Variants in TRIM36 observed in about 807,000 individuals in gnomAD.
TRIM36 encodes the protein tripartite motif containing 36.
TRIM36 carries 42 observed loss-of-function variants against 72.4 expected under a neutral mutation model. The ratio of observed to expected loss-of-function variants is 0.58; its 90% CI spans 0.45 to 0.75. The LOEUF (loss-of-function observed/expected upper bound fraction) is 0.75. Among genes scored for constraint, TRIM36 ranks in the 30% least tolerant of loss-of-function variants. TRIM36 has a pLI of 0.00. For synonymous variants in TRIM36, 315 were observed against 282.8 expected (o/e 1.11, Z -1.14); for missense variants, 913 against 857.1 (o/e 1.07, Z -0.81).
chr5:115,162,486 T>C (rs1304114951), intron 2 of TRIM36, among the ~76,000 whole-genome samples: 4 of 152,250 alleles, frequency 2.6e-5, no homozygotes, highest in African/African-American at 9.6e-5. Context: ...AAATCATTCA[T>C]CTTGTTCTTC....
chr5:115,127,595 A>G (rs1380641142), intron 9 of TRIM36, among the ~76,000 whole-genome samples: 1 of 152,172 alleles, frequency 6.6e-6, no homozygotes, highest in African/African-American at 2.4e-5. Flanking sequence ...TCATTCCTAT[A>G]GCTTAGTGAC....
chr5:115,177,780 A>T (rs373690464), intron 1 of TRIM36: 1 of 1,614,176 alleles, frequency 6.2e-7, no homozygotes, highest in South Asian at 1.1e-5. Flanking sequence ...ACTGCTTTCC[A>T]ACCTCAGAGA....
At position 115,126,694 on chromosome 5, in the gene TRIM36, T is replaced by A; in HGVS notation, c.1960A>T (p.Ile654Phe). The A allele has an allele frequency of 6.2e-7, 1 of 1,614,202 alleles. No individual in the cohort carries two copies. The highest frequency in any genetic ancestry group is 1.6e-4 in the Middle Eastern group (1 of 6,062). Residue 654 changes from isoleucine to phenylalanine, a missense_variant, in exon 10 of 10, where the codon ATT (isoleucine) becomes TTT (phenylalanine). Coordinates refer to ENST00000513154, the MANE Select transcript of TRIM36 (RefSeq NM_001300759.2). ...ENRVLPMPTSIGIFLDCDKGK... is the reference protein window; with the variant it reads ...ENRVLPMPTSFGIFLDCDKGK... ...TTATCACAGTCAAGGAAAATCCCAA[T>A]ACTTGTTGGCATAGGGAGAACTCTA...
Position 115,126,540 on chromosome 5 carries a change from A to G in TRIM36, c.2114T>C (p.Ile705Thr). Residue 705 changes from isoleucine (I) to threonine (T), a missense_variant, in exon 10 of 10, where the codon ATC becomes ACC. Ile to Thr is a moderately conservative substitution (Grantham distance 89). Transcript: ENST00000513154. ...GSGGIQLEEP[I>T]TAKYLEYQED... ...TTGGTATTCCAGATATTTTGCTGTG[A>G]TGGGTTCTTCAAGCTGAATTCCTCC... 6.2e-7 allele frequency: 1 copy of G among 1,611,662 alleles called. No homozygotes were observed. The highest frequency in any genetic ancestry group is 1.7e-4 in the Middle Eastern group (1 of 6,052).
intron 1 of TRIM36, among the ~76,000 whole-genome samples, chr5:115,166,899 T>C (rs1754808683): frequency 6.6e-6 from 1 of 152,020 alleles, no homozygotes; most frequent in African/African-American, 2.4e-5. Context: ...GCGCCCATAC[T>C]GGCACCTGGA....
At chr5:115,170,025 G>A (rs983494283), upstream of TRIM36, 2 of 1,016,900 alleles carry the variant, frequency 2.0e-6, no homozygotes, top group African/African-American at 3.4e-5. Context: ...GGGGCCGCCT[G>A]GGGCTGGTAG....
intron 2 of TRIM36, among the ~76,000 whole-genome samples, chr5:115,160,911 T>C (rs1754448225): frequency 6.6e-6 from 1 of 152,010 alleles, no homozygotes; most frequent in South Asian, 2.1e-4. Flanking sequence ...GGAATATTAC[T>C]CATGAATCTA....
intron 1 of TRIM36, chr5:115,177,597 G>A: frequency 1.4e-6 from 2 of 1,462,082 alleles, no homozygotes; most frequent in Non-Finnish European, 1.8e-6. Flanking sequence ...ACAAAACAGG[G>A]GTCTTAAATG....
intron 2 of TRIM36, among the ~76,000 whole-genome samples, chr5:115,161,890 T>C (rs548711477): frequency 2.9e-4 from 44 of 152,216 alleles, no homozygotes; most frequent in South Asian, 6.2e-4. Context: ...CTCTCTTCAT[T>C]AATGCACCCG....
intron 5 of TRIM36, among the ~76,000 whole-genome samples, chr5:115,140,907 A>C (rs1753242229): frequency 6.6e-6 from 1 of 152,220 alleles, no homozygotes; most frequent in Non-Finnish European, 1.5e-5. Context: ...ACCTGGCCCA[A>C]TCTGCATACA....
At position 115,125,449 on chromosome 5, in the gene TRIM36, C is replaced by T. The variant is rs1016457373; in HGVS notation, c.*1054G>A. On this transcript the variant is annotated 3_prime_UTR_variant, in exon 10 of 10. Coordinates refer to ENST00000513154, the MANE Select transcript of TRIM36 (RefSeq NM_001300759.2). ...TTGCTTATATTAGAAATGCTTATTA[C>T]CAATGAGAAACAGAAAATGCCACAT... The T allele has an allele frequency of 6.6e-6, 1 of 151,782 alleles. No individual in the cohort carries two copies. The highest frequency in any genetic ancestry group is 1.5e-5 in the Non-Finnish European group (1 of 67,890). The allele number at this position is 151,782 out of a possible 1,614,324, so 9.4% of individuals were successfully genotyped here.
At chr5:115,142,109 T>C (rs982730491) in intron 4 of TRIM36, among the ~76,000 whole-genome samples, 1 of 151,004 alleles carries the variant, frequency 6.6e-6, no homozygotes, top group Non-Finnish European at 1.5e-5. Context: ...GTATTGAGAG[T>C]CTAAATAAGA....
At chr5:115,136,510 A>G (rs903420408) in intron 7 of TRIM36, among the ~76,000 whole-genome samples, 1 of 152,230 alleles carries the variant, frequency 6.6e-6, no homozygotes, top group African/African-American at 2.4e-5. Flanking sequence ...ACAGCAATGT[A>G]AACAGCCTGC....
chr5:115,151,947 C>A (rs1478761552), intron 2 of TRIM36, among the ~76,000 whole-genome samples: 1 of 152,164 alleles, frequency 6.6e-6, no homozygotes, highest in Non-Finnish European at 1.5e-5. Flanking sequence ...GAAACCACCT[C>A]TGGTAATATG....
At chr5:115,175,403 T>A (rs1755287582) in intron 1 of TRIM36, among the ~76,000 whole-genome samples, 1 of 152,178 alleles carries the variant, frequency 6.6e-6, no homozygotes, top group South Asian at 2.1e-4. Context: ...GAAATAGGTA[T>A]AATTCTTTTC....
intron 2 of TRIM36, chr5:115,149,145 T>C (rs912079084): frequency 6.6e-6 from 1 of 152,180 alleles, no homozygotes; most frequent in Non-Finnish European, 1.5e-5. Context: ...CCATAAAAAT[T>C]TGAAAATCCT....
chr5:115,165,863 A>C (rs910841527), intron 1 of TRIM36, among the ~76,000 whole-genome samples: 1 of 151,854 alleles, frequency 6.6e-6, no homozygotes, highest in Non-Finnish European at 1.5e-5. Flanking sequence ...CCCCATTCCC[A>C]GTGCCCACTC....
intron 2 of TRIM36, among the ~76,000 whole-genome samples, chr5:115,151,030 T>C (rs1019734516): frequency 2.0e-4 from 30 of 152,196 alleles, no homozygotes; most frequent in African/African-American, 6.3e-4. Flanking sequence ...AGAAGCCTCC[T>C]GGCCACAACT....
At chr5:115,160,332 T>C (rs1418516654) in intron 2 of TRIM36, among the ~76,000 whole-genome samples, 1 of 152,220 alleles carries the variant, frequency 6.6e-6, no homozygotes, top group East Asian at 1.9e-4. Context: ...TTTAATGTTA[T>C]TTAACCCACT....
Sources: gnomAD v4.1 joint callset for allele counts (sites outside exome capture counted in the v4.1 genomes callset) on GRCh38, gnomAD v4.1.1 for gene constraint, MANE v1.5 for transcripts, NCBI Gene and HGNC (gene_info 2026-07-23, HGNC 2026-07-21) for gene names.